Variants in RBFOX1 observed in about 807,000 individuals in gnomAD.
The protein encoded by RBFOX1 is RNA binding protein fox-1 homolog 1.
RBFOX1 carries 8 observed loss-of-function variants against 57.7 expected under a neutral mutation model. The observed-to-expected ratio is 0.14, with a 90% CI of 0.08 to 0.25. The LOEUF (loss-of-function observed/expected upper bound fraction) is 0.25, where lower values mean the gene tolerates loss of function less well. Ranked by LOEUF, RBFOX1 falls within the 10% of genes least tolerant of loss-of-function variation. The pLI, the probability that RBFOX1 is intolerant of heterozygous loss-of-function variation, is 1.00. For synonymous variants in RBFOX1, 326 were observed against 222.4 expected (o/e 1.47, Z -4.15); for missense variants, 611 against 548.5 (o/e 1.11, Z -1.14).
At chr16:7,322,389 T>C (rs1246608541) in intron 4 of RBFOX1, among the ~76,000 whole-genome samples, 2 of 152,268 alleles carry the variant, frequency 1.3e-5, no homozygotes, top group African/African-American at 4.8e-5. Context: ...ACAGTGCTAG[T>C]AAACACGTCA....
At chr16:5,912,252 T>C (rs2058618315) in intron 4 of RBFOX1, among the ~76,000 whole-genome samples, 1 of 152,148 alleles carries the variant, frequency 6.6e-6, no homozygotes. Flanking sequence ...TTTATAGTGA[T>C]CAAATGAGGC....
intron 3 of RBFOX1, among the ~76,000 whole-genome samples, chr16:5,630,055 G>A (rs1174837854): frequency 2.0e-5 from 3 of 152,168 alleles, no homozygotes; most frequent in African/African-American, 7.2e-5. Flanking sequence ...TACATATCAG[G>A]ATTCTCTGTT....
At chr16:7,654,032 G>C (rs1180757994) in intron 12 of RBFOX1, 85 bp downstream of exon 12, 138 of 1,376,834 alleles carry the variant, frequency 1.0e-4, no homozygotes, top group Non-Finnish European at 1.3e-4. Flanking sequence ...GCGCATGATG[G>C]TCTTGACTCC....
chr16:6,802,997 A>G (rs980342395), intron 3 of RBFOX1, among the ~76,000 whole-genome samples: 1 of 152,140 alleles, frequency 6.6e-6, no homozygotes, highest in Non-Finnish European at 1.5e-5. Context: ...ATCTGTTCTA[A>G]AAGTCTTTTA....
rs200749815 is a variant in RBFOX1 at position 7,375,270 on chromosome 16, C to A, written c.28-142877C>A. ...CAGTCTGTATTCAAAGACAGGACAG[C>A]CTGATTCCAAAACTACTTCTATGCC... On this transcript the variant is annotated intron_variant, in intron 4 of 15. Transcript: ENST00000550418. Among the ~76,000 whole-genome samples the A allele has an allele frequency of 9.9e-5, 15 of 152,244 alleles. No individual in the cohort carries two copies. The East Asian group carries it at 2.3e-3, about 24-fold the overall frequency.
intron 4 of RBFOX1, among the ~76,000 whole-genome samples, chr16:5,976,612 C>T (rs2060068018): frequency 6.6e-6 from 1 of 152,104 alleles, no homozygotes; most frequent in Non-Finnish European, 1.5e-5. Context: ...CTCATACCTG[C>T]AGTCCCAGGA....
intron 2 of RBFOX1, among the ~76,000 whole-genome samples, chr16:6,494,090 A>G (rs1336971520): frequency 6.6e-6 from 1 of 152,220 alleles, no homozygotes; most frequent in African/African-American, 2.4e-5. Flanking sequence ...TAAATGTAGC[A>G]TATGCAGTTG....
At chr16:7,255,156 G>C (rs905891527) in intron 4 of RBFOX1, among the ~76,000 whole-genome samples, 2 of 152,074 alleles carry the variant, frequency 1.3e-5, no homozygotes, top group Admixed American at 6.6e-5. Context: ...TTGAAAAATA[G>C]AAAGATAGTT....
intron 3 of RBFOX1, among the ~76,000 whole-genome samples, chr16:5,727,029 C>G (rs562600965): frequency 2.0e-5 from 3 of 152,212 alleles, no homozygotes; most frequent in African/African-American, 7.2e-5. Context: ...GAGGCTGGGG[C>G]GGGTGGATTA....
intron 2 of RBFOX1, among the ~76,000 whole-genome samples, chr16:6,411,074 C>A (rs1323712504): frequency 6.6e-6 from 1 of 152,122 alleles, no homozygotes; most frequent in African/African-American, 2.4e-5. Context: ...AGTATTATTC[C>A]CCTACTCTGA....
intron 3 of RBFOX1, among the ~76,000 whole-genome samples, chr16:5,650,305 C>T (rs2049192466): frequency 6.6e-6 from 1 of 152,120 alleles, no homozygotes; most frequent in Non-Finnish European, 1.5e-5. Flanking sequence ...CACTCCTCGT[C>T]CTCTTCAGAG....
intron 3 of RBFOX1, among the ~76,000 whole-genome samples, chr16:6,682,066 GT>G (rs1172611384): frequency 1.3e-5 from 2 of 152,168 alleles, no homozygotes; most frequent in Admixed American, 1.3e-4. Flanking sequence ...GATCCAGTTT[GT>G]TTTGCCCAAT....
chr16:6,900,256 T>G (rs2068118777), intron 3 of RBFOX1, among the ~76,000 whole-genome samples: 1 of 152,198 alleles, frequency 6.6e-6, no homozygotes, highest in South Asian at 2.1e-4. Context: ...CCCATCATAA[T>G]ATTCAAAGTC....
intron 3 of RBFOX1, among the ~76,000 whole-genome samples, chr16:5,837,504 C>T (rs2056497797): frequency 6.6e-6 from 1 of 152,062 alleles, no homozygotes; most frequent in African/African-American, 2.4e-5. Flanking sequence ...CCTCCACAGA[C>T]ATTCCCACTC....
At chr16:6,455,185 G>A (rs995481273) in intron 2 of RBFOX1, among the ~76,000 whole-genome samples, 8 of 151,876 alleles carry the variant, frequency 5.3e-5, no homozygotes, top group Admixed American at 2.0e-4. Context: ...GAGCCGCCAC[G>A]CCTGGCCTAC....
intron 1 of RBFOX1, among the ~76,000 whole-genome samples, chr16:5,343,792 A>G (rs990893717): frequency 1.3e-5 from 2 of 152,216 alleles, no homozygotes; most frequent in Admixed American, 1.3e-4. Flanking sequence ...GAATAAGGCA[A>G]AAGGGTTATT....
intron 3 of RBFOX1, among the ~76,000 whole-genome samples, chr16:6,932,710 T>G (rs531532814): frequency 3.9e-4 from 60 of 152,262 alleles, no homozygotes; most frequent in Non-Finnish European, 7.4e-4. Flanking sequence ...CTAATCTCTT[T>G]CTGTTAAATT....
At chr16:6,747,242 C>G (rs1011458892) in intron 3 of RBFOX1, among the ~76,000 whole-genome samples, 1 of 152,074 alleles carries the variant, frequency 6.6e-6, no homozygotes, top group Non-Finnish European at 1.5e-5. Context: ...AACCCCGTCT[C>G]TACTAAAAAT....
chr16:7,521,103 G>A (rs1192045886), intron 5 of RBFOX1, among the ~76,000 whole-genome samples: 1 of 19,616 alleles, frequency 5.1e-5, no homozygotes, highest in Admixed American at 2.3e-4. Context: ...CAAACGTGTA[G>A]TCTGAGAGCA....
Sources: allele counts gnomAD v4.1 joint callset (sites outside exome capture counted in the v4.1 genomes callset), GRCh38; gene constraint gnomAD v4.1.1; transcripts MANE v1.5; gene names NCBI Gene and HGNC (gene_info 2026-07-23, HGNC 2026-07-21).